Variants in RBM4B observed in about 807,000 individuals in gnomAD.
RBM4B encodes RNA binding motif protein 4B.
In RBM4B, 13 loss-of-function variants were observed where a neutral mutation model predicts 28.5. The observed-to-expected ratio is 0.46, with a 90% confidence interval of 0.30 to 0.72. The LOEUF is 0.72. Among genes scored for constraint, RBM4B ranks in the 30% least tolerant of loss-of-function variants. RBM4B has a pLI of 0.09. For synonymous variants in RBM4B, 167 were observed against 179.1 expected (o/e 0.93, Z 0.54); for missense variants, 387 against 477.6 (o/e 0.81, Z 1.77).
intron 1 of RBM4B, 168 bp from the exon 2 acceptor site, chr11:66,677,259 G>A: frequency 4.9e-6 from 4 of 824,094 alleles, no homozygotes; most frequent in Non-Finnish European, 7.4e-6. Flanking sequence ...CGAGAAGTGC[G>A]AGCTATGCGT....
chr11:66,669,243 G>A lies in RBM4B; in HGVS notation c.461C>T (p.Pro154Leu), dbSNP rs1165588594. 4 of 1,614,050 alleles carry A rather than the reference G, an allele frequency of 2.5e-6. No homozygotes were observed. The highest frequency in any genetic ancestry group is 3.4e-6 in the Non-Finnish European group (4 of 1,180,024). ...QLSTSRLRTA[P>L]GMGDQSGCYR... is the part of the protein sequence containing the mutation. ...GCAGCCACTCTGGTCTCCCATACCA[G>A]GGGCAGTCCGAAGCCGGCTTGTGGA... Residue 154 changes from proline (P) to leucine (L), a missense_variant, in exon 3 of 4, where the codon CCT (proline) becomes CTT (leucine). Coordinates refer to ENST00000310046, the MANE Select transcript of RBM4B (RefSeq NM_031492.4).
intron 2 of RBM4B, chr11:66,676,134 C>G (rs1939628473): frequency 6.4e-6 from 1 of 156,866 alleles, no homozygotes; most frequent in Admixed American, 6.3e-5. Flanking sequence ...CTTGAAGAGA[C>G]TGCACAACTT....
chr11:66,665,375 G>C lies in RBM4B; in HGVS notation c.*213C>G, dbSNP rs1939187941. The C allele has an allele frequency of 1.6e-6, 1 of 607,132 alleles. No individual in the cohort carries two copies. Among genetic ancestry groups the C allele is most frequent in the African/African-American group, 1.9e-5 (1 of 53,924 alleles). 37.6% of individuals were successfully genotyped at this position (607,132 alleles called of 1,614,324 possible). A position where few individuals can be genotyped will look rare whatever the true frequency, so the allele number is the denominator to read the frequency against. On this transcript the variant is annotated 3_prime_UTR_variant, in exon 4 of 4. Transcript: ENST00000310046. ...GCTGCTCAGAGGCTGAGAATATAAG[G>C]AACAGAGTGAAAGGCTACAGAGACT...
At chr11:66,669,848 TTCTG>T in intron 2 of RBM4B, among the ~76,000 whole-genome samples, 1 of 152,376 alleles carries the variant, frequency 6.6e-6, no homozygotes, top group Middle Eastern at 3.4e-3. Flanking sequence ...TCCCTCCTGT[TTCTG>T]TCTCCACAAC....
chr11:66,676,599 G>T, intron 2 of RBM4B, 69 bp downstream of exon 2: 1 of 1,550,014 alleles, frequency 6.5e-7, no homozygotes, highest in Non-Finnish European at 8.8e-7. Context: ...AAGTTCTATA[G>T]TCTTGTGTTC....
rs374593903 is a variant in RBM4B, at chr11:66,668,966, C to T, written c.738G>A (p.Gln246=). The T allele has an allele frequency of 2.4e-5, 38 of 1,614,090 alleles. No homozygotes were observed. Among genetic ancestry groups the T allele is most frequent in the Admixed American group, 3.3e-5 (2 of 60,010 alleles). Residue 246 remains glutamine (Q), a synonymous_variant, in exon 3 of 4, where the codon CAG becomes CAA. Transcript: ENST00000310046. Reference sequence around the variant, plus strand: ...GGACTTGAGGCAGATGGGACATGGTCTGCTCTGCGTAGTTGTATGCAGAAG... The same window carrying T: ...GGACTTGAGGCAGATGGGACATGGTTTGCTCTGCGTAGTTGTATGCAGAAG... ...AAASAYNYAE[Q]TMSHLPQVQS... is the part of the protein sequence containing the mutation.
rs148868569 is a variant in RBM4B, at chr11:66,677,846, C to A, written c.-95G>T. The A allele has an allele frequency of 0.03, 4,647 of 152,796 alleles. 120 individuals carry two copies. The highest frequency in any genetic ancestry group is 0.043 in the Non-Finnish European group (2,959 of 68,082). 9.5% of individuals were successfully genotyped at this position (152,796 alleles called of 1,614,324 possible). On this transcript the variant is annotated 5_prime_UTR_variant, in exon 1 of 4. Transcript: ENST00000310046. ...GACGGCCGCTCGAGCCTGGACGCGA[C>A]CGGGCCCTTTCTCGCGCGCCAGCTC...
chr11:66,671,252 A>C (rs1939455310), intron 2 of RBM4B, among the ~76,000 whole-genome samples: 1 of 152,168 alleles, frequency 6.6e-6, no homozygotes, highest in African/African-American at 2.4e-5. Context: ...TTGCCATCCC[A>C]TTGTTTTCAG....
At chr11:66,676,632 C>G (rs1590889215) in intron 2 of RBM4B, 36 bp downstream of exon 2, 1 of 1,606,370 alleles carries the variant, frequency 6.2e-7, no homozygotes, top group African/African-American at 1.3e-5. Context: ...AGCTAGACCC[C>G]ACTCGGCGCT....
Position 66,669,397 on chromosome 11 carries a change from C to A in RBM4B, c.413-106G>T, listed in dbSNP as rs982710129. The A allele has an allele frequency of 4.2e-5, 45 of 1,081,218 alleles. No individual in the cohort carries two copies. The Middle Eastern group carries it at 1.2e-3, about 30-fold the overall frequency. 67.0% of individuals were successfully genotyped at this position (1,081,218 alleles called of 1,614,324 possible). On this transcript the variant is annotated intron_variant, in intron 2 of 3. Coordinates refer to ENST00000310046, the MANE Select transcript of RBM4B (RefSeq NM_031492.4). ...AGTTGTCATAAGACACATAGACGCA[C>A]ACACCTGTGACCCTATTTCAGCAAC...
chr11:66,668,317 C>G, intron 3 of RBM4B: 2 of 306,150 alleles, frequency 6.5e-6, no homozygotes, highest in South Asian at 1.3e-4. Flanking sequence ...TGTTAGATCT[C>G]TCAAATGTTT....
At chr11:66,666,110 T>A (rs1939223409) in intron 3 of RBM4B, 1 of 808,694 alleles carries the variant, frequency 1.2e-6, no homozygotes, top group Admixed American at 3.1e-5. Flanking sequence ...CACCTACATG[T>A]CACACTGTCA....
rs752176976 is a variant in RBM4B, at chr11:66,668,674, G to A, written c.1030C>T (p.Arg344Trp). 3.8e-5 allele frequency: 62 copies of A among 1,613,860 alleles called. No homozygotes were observed. The highest frequency in any genetic ancestry group is 4.9e-5 in the Non-Finnish European group (58 of 1,179,916). ...ATRNSLYDMA[R>W]YEREQYVDRA... ...TCCACATACTGCTCCCGTTCATACCGGGCCATGTCATACAGAGAATTCCGT... is the reference window on the plus strand; with the variant it reads ...TCCACATACTGCTCCCGTTCATACCAGGCCATGTCATACAGAGAATTCCGT... The change falls in exon 3 of 4, where the codon CGG becomes TGG. Residue 344 changes from arginine (R) to tryptophan (W), a missense_variant. By Grantham distance (101) the Arg-to-Trp change is moderately radical. This residue lies in a region of RBM4B where 226 missense variants were observed against 220.6 expected (regional missense o/e 1.02). Coordinates refer to ENST00000310046, the MANE Select transcript of RBM4B (RefSeq NM_031492.4).
rs959153218 is a variant in RBM4B at position 66,676,272 on chromosome 11, T to G, written c.412+396A>C. Reference sequence around the variant, plus strand: ...CCCAAAGCAGTAAAGAATATAAATCTTAAGCACTTAAACCCTCAAATATAA... The same window carrying G: ...CCCAAAGCAGTAAAGAATATAAATCGTAAGCACTTAAACCCTCAAATATAA... On this transcript the variant is annotated intron_variant, in intron 2 of 3. Transcript: ENST00000310046. The G allele has an allele frequency of 6.3e-5, 19 of 301,368 alleles. No homozygotes were observed. The Admixed American group carries it at 7.8e-4, about 12-fold the overall frequency. The allele number at this position is 301,368 out of a possible 1,614,324, so 18.7% of individuals were successfully genotyped here. A position where few individuals can be genotyped will look rare whatever the true frequency, so the allele number is the denominator to read the frequency against.
rs957160147 is a variant in RBM4B, at chr11:66,677,463, C to T, written c.-13+301G>A. The T allele has an allele frequency of 2.0e-5, 5 of 253,632 alleles. No homozygotes were observed. The East Asian group carries it at 2.8e-4, about 14-fold the overall frequency. 15.7% of individuals were successfully genotyped at this position (253,632 alleles called of 1,614,324 possible). ...GTTTTGGAGGGAAATCTGTGTACCT[C>T]TCCTGCGCGCACTAGCGCCTTTCAA... On this transcript the variant is annotated intron_variant, in intron 1 of 3. Coordinates refer to ENST00000310046, the MANE Select transcript of RBM4B (RefSeq NM_031492.4).
intron 2 of RBM4B, chr11:66,675,980 T>C (rs1160322490): frequency 1.3e-5 from 2 of 152,548 alleles, no homozygotes; most frequent in African/African-American, 2.4e-5. Context: ...AATAGTATGA[T>C]ATGCTCTACG....
At chr11:66,671,564 T>C (rs1264785402) in intron 2 of RBM4B, among the ~76,000 whole-genome samples, 1 of 152,230 alleles carries the variant, frequency 6.6e-6, no homozygotes, top group Non-Finnish European at 1.5e-5. Context: ...ACTTTACTTT[T>C]ATAGATTCTG....
Position 66,677,784 on chromosome 11 carries a change from G to A in RBM4B, c.-33C>T, listed in dbSNP as rs1346640716. 1.3e-5 allele frequency: 2 copies of A among 152,694 alleles called. No individual in the cohort carries two copies. The highest frequency in any genetic ancestry group is 2.4e-5 in the African/African-American group (1 of 41,448). The allele number at this position is 152,694 out of a possible 1,614,324, so 9.5% of individuals were successfully genotyped here. On this transcript the variant is annotated 5_prime_UTR_variant, in exon 1 of 4. Coordinates refer to ENST00000310046, the MANE Select transcript of RBM4B (RefSeq NM_031492.4). ...CGCACCTCCGGGTGGCGGCAGCGAC[G>A]GCGGCTCCCACGTCAGAGAGAACCT...
intron 2 of RBM4B, chr11:66,670,969 TTGTGCTC>T (rs1280509387): frequency 2.6e-5 from 18 of 702,510 alleles, no homozygotes; most frequent in South Asian, 1.9e-4. Context: ...AGAGGAAGCC[TTGTGCTC>T]CACCATCCTG....
Sources: gnomAD v4.1 joint callset for allele counts (sites outside exome capture counted in the v4.1 genomes callset) on GRCh38, gnomAD v4.1.1 for gene constraint, gnomAD v4.1.1 regional missense constraint, MANE v1.5 for transcripts, NCBI Gene and HGNC (gene_info 2026-07-23, HGNC 2026-07-21) for gene names.